GPHN: variants seen among roughly 807,000 people sequenced by gnomAD.
The protein encoded by GPHN is gephyrin.
Under a neutral mutation model 95.5 loss-of-function variants are expected in GPHN, and 17 were observed. The ratio of observed to expected loss-of-function variants is 0.18; its 90% CI spans 0.12 to 0.27. The LOEUF (loss-of-function observed/expected upper bound fraction) is 0.27, where lower values mean the gene tolerates loss of function less well. GPHN is among the 10% of genes least tolerant of loss of function. The probability of loss-of-function intolerance (pLI) is 1.00; values close to 1 mark genes in which losing one functional copy is unlikely to be tolerated. For synonymous variants in GPHN, 320 were observed against 322.5 expected, an observed-to-expected ratio of 0.99 and a Z score of 0.08; for missense variants, 660 against 978.1, an observed-to-expected ratio of 0.67 and a Z score of 4.34.
intron 2 of GPHN, among the ~76,000 whole-genome samples, chr14:66,717,248 C>T (rs187963493): frequency 6.6e-6 from 1 of 152,084 alleles, no homozygotes; most frequent in African/African-American, 2.4e-5. Context: ...ACCTTGTCTT[C>T]GAGCCCTGAA....
At chr14:66,927,840 T>A (rs2066566002) in intron 8 of GPHN, among the ~76,000 whole-genome samples, 2 of 152,208 alleles carry the variant, frequency 1.3e-5, no homozygotes, top group Non-Finnish European at 2.9e-5. Context: ...TGTATCACAT[T>A]GATTGATTTG....
At chr14:67,233,566 A>G in the GPHN span, among the ~76,000 whole-genome samples, 3 of 152,212 alleles carry the variant, frequency 2.0e-5, no homozygotes, top group East Asian at 3.8e-4. Context: ...ACTACCTCCT[A>G]TATCTGATCT....
At chr14:67,220,237 A>G in the GPHN span, among the ~76,000 whole-genome samples, 7 of 152,132 alleles carry the variant, frequency 4.6e-5, no homozygotes, top group Admixed American at 1.3e-4. Flanking sequence ...GGAGCTCAAG[A>G]CCACCCTGGG....
chr14:67,662,426 G>A, the GPHN span: 1 of 1,474,620 alleles, frequency 6.8e-7, no homozygotes, highest in Non-Finnish European at 9.4e-7. Flanking sequence ...CATTACTTCT[G>A]GAAAAGACCA....
intron 1 of GPHN, among the ~76,000 whole-genome samples, chr14:66,511,300 T>G (rs775703074): frequency 7.2e-5 from 11 of 152,190 alleles, no homozygotes; most frequent in Non-Finnish European, 1.6e-4. Context: ...TTTACTGAAC[T>G]GAAGTATTGT....
chr14:67,220,379 C>G, the GPHN span, among the ~76,000 whole-genome samples: 1 of 151,620 alleles, frequency 6.6e-6, no homozygotes, highest in Non-Finnish European at 1.5e-5. Context: ...GAGGTCAAGG[C>G]TGCAAAGAGC....
chr14:67,632,016 A>G, the GPHN span, among the ~76,000 whole-genome samples: 2 of 152,184 alleles, frequency 1.3e-5, no homozygotes, highest in African/African-American at 4.8e-5. Flanking sequence ...CTTGGACCAC[A>G]GGCTTGTGCC....
At chr14:67,189,450 T>A in the GPHN span, 1 of 152,182 alleles carries the variant, frequency 6.6e-6, no homozygotes, top group Non-Finnish European at 1.5e-5. Context: ...AGTTGCCTGC[T>A]GAGTAGACAT....
intron 10 of GPHN, among the ~76,000 whole-genome samples, chr14:67,052,935 G>A (rs987528822): frequency 2.6e-5 from 4 of 151,958 alleles, no homozygotes; most frequent in African/African-American, 7.2e-5. Context: ...CCTCTGGGAC[G>A]CAGCCAAAGC....
chr14:67,358,077 T>A, the GPHN span, among the ~76,000 whole-genome samples: 1 of 151,610 alleles, frequency 6.6e-6, no homozygotes, highest in African/African-American at 2.4e-5. Flanking sequence ...TTGAGCTTTT[T>A]CAGGCAGGCA....
chr14:67,270,236 C>T, the GPHN span: 2 of 152,306 alleles, frequency 1.3e-5, no homozygotes, highest in South Asian at 4.1e-4. Flanking sequence ...TTGCCCCCTT[C>T]TCCCGCAACT....
the GPHN span, among the ~76,000 whole-genome samples, chr14:67,716,083 G>C: frequency 6.6e-6 from 1 of 151,994 alleles, no homozygotes; most frequent in Non-Finnish European, 1.5e-5. Context: ...TGTAGTCCCA[G>C]CTACTCTGGA....
intron 17 of GPHN, among the ~76,000 whole-genome samples, chr14:67,136,202 G>A (rs550509433): frequency 2.0e-5 from 3 of 152,218 alleles, no homozygotes; most frequent in East Asian, 1.9e-4. Context: ...CTGAAAGTTC[G>A]ATTCACCCTA....
At chr14:66,694,052 T>TA (rs1167224338) in intron 2 of GPHN, among the ~76,000 whole-genome samples, 1 of 152,114 alleles carries the variant, frequency 6.6e-6, no homozygotes, top group African/African-American at 2.4e-5. Context: ...CATATAAATA[T>TA]AGTTGCTGTG....
At chr14:67,531,442 T>C in the GPHN span, among the ~76,000 whole-genome samples, 2 of 152,016 alleles carry the variant, frequency 1.3e-5, no homozygotes, top group African/African-American at 4.8e-5. Context: ...CTGCTCAGAG[T>C]TGGGCAATGG....
At chr14:66,994,153 G>T (rs1039696301) in intron 9 of GPHN, among the ~76,000 whole-genome samples, 1 of 151,752 alleles carries the variant, frequency 6.6e-6, no homozygotes, top group African/African-American at 2.4e-5. Context: ...GTCACCTGAG[G>T]TCAGGAGTTC....
chr14:66,735,017 T>A (rs1227426595), intron 2 of GPHN, among the ~76,000 whole-genome samples: 1 of 152,202 alleles, frequency 6.6e-6, no homozygotes, highest in Non-Finnish European at 1.5e-5. Context: ...GAATTCTAAA[T>A]GGAGTAAGTA....
the GPHN span, among the ~76,000 whole-genome samples, chr14:67,198,483 A>T: frequency 6.6e-6 from 1 of 152,248 alleles, no homozygotes; most frequent in African/African-American, 2.4e-5. Flanking sequence ...AAATAATTAC[A>T]ATGTTAAAGG....
the GPHN span, chr14:67,387,141 T>A: frequency 2.0e-6 from 1 of 508,816 alleles, no homozygotes; most frequent in Non-Finnish European, 3.4e-6. Context: ...TCCAGGTTTG[T>A]AACATGAAGA....
Sources: allele counts gnomAD v4.1 joint callset (sites outside exome capture counted in the v4.1 genomes callset), GRCh38; gene constraint gnomAD v4.1.1; transcripts MANE v1.5; gene names NCBI Gene and HGNC (gene_info 2026-07-23, HGNC 2026-07-21).